CHST9: variants seen among roughly 807,000 people sequenced by gnomAD.
CHST9 encodes the protein GalNAc-4-sulfotransferase 2.
In CHST9, 41 loss-of-function variants were observed where a neutral mutation model predicts 44.4. The observed-to-expected ratio is 0.92, with a 90% CI of 0.72 to 1.20. The LOEUF is 1.20. CHST9 is among the 50% of genes most tolerant of loss of function. The pLI, the probability that CHST9 is intolerant of heterozygous loss-of-function variation, is 0.00. For synonymous variants in CHST9, 171 were observed against 178.4 expected (o/e 0.96, Z 0.33); for missense variants, 504 against 516.5 (o/e 0.98, Z 0.23).
intron 2 of CHST9, among the ~76,000 whole-genome samples, chr18:27,093,486 G>A (rs548467288): frequency 1.1e-4 from 17 of 152,300 alleles, no homozygotes; most frequent in Non-Finnish European, 2.1e-4. Flanking sequence ...CTGCCGTCTC[G>A]CAGATCGATC....
intron 2 of CHST9, among the ~76,000 whole-genome samples, chr18:27,113,670 T>C (rs1257195994): frequency 6.6e-6 from 1 of 152,076 alleles, no homozygotes; most frequent in Non-Finnish European, 1.5e-5. Flanking sequence ...AGAAAACAGC[T>C]CCTCACCCAG....
chr18:26,916,332 G>A lies in CHST9; in HGVS notation c.1259C>T (p.Thr420Ile). ...VRQYLKDLTR[T>I]ERQLIYDFYY... ...AAAGTCATAGATTAATTGTCTCTCA[G>A]TTCTAGTCAGATCCTTTAAATACTG... Residue 420 changes from threonine (T) to isoleucine (I), a missense_variant, in exon 6 of 6, where the codon ACT (threonine) becomes ATT (isoleucine). Coordinates refer to ENST00000618847, the MANE Select transcript of CHST9 (RefSeq NM_031422.6). 1.2e-6 allele frequency: 2 copies of A among 1,611,666 alleles called. No homozygotes were observed. The highest frequency in any genetic ancestry group is 1.7e-6 in the Non-Finnish European group (2 of 1,177,874).
chr18:27,168,939 T>C (rs376564077), intron 1 of CHST9, among the ~76,000 whole-genome samples: 1 of 152,270 alleles, frequency 6.6e-6, no homozygotes, highest in East Asian at 1.9e-4. Flanking sequence ...TTAGAAATGA[T>C]CTCCTGCTGG....
intron 5 of CHST9, chr18:26,930,889 C>T (rs1268707573): frequency 7.6e-6 from 1 of 131,498 alleles, no homozygotes; most frequent in South Asian, 2.6e-4. Context: ...TCTGTTACTT[C>T]CTGTAGGCAT....
intron 5 of CHST9, among the ~76,000 whole-genome samples, chr18:26,936,935 A>G (rs2056003664): frequency 6.6e-6 from 1 of 152,116 alleles, no homozygotes; most frequent in African/African-American, 2.4e-5. Flanking sequence ...AGTATTCCAT[A>G]TTTTCTCACA....
At chr18:27,030,053 G>C (rs1157330321) in intron 3 of CHST9, among the ~76,000 whole-genome samples, 3 of 152,194 alleles carry the variant, frequency 2.0e-5, no homozygotes, top group African/African-American at 4.8e-5. Context: ...AATGATTTCA[G>C]TTTATGTTAA....
intron 5 of CHST9, among the ~76,000 whole-genome samples, chr18:26,939,563 G>T (rs1486746104): frequency 1.3e-5 from 2 of 152,186 alleles, no homozygotes; most frequent in Non-Finnish European, 2.9e-5. Flanking sequence ...CATGAATGGA[G>T]GTCCACATAC....
At chr18:27,027,968 C>T (rs1308727413) in intron 3 of CHST9, among the ~76,000 whole-genome samples, 4 of 152,162 alleles carry the variant, frequency 2.6e-5, no homozygotes, top group African/African-American at 7.2e-5. Flanking sequence ...GGCGCGATCT[C>T]GGCTCACTGC....
intron 2 of CHST9, among the ~76,000 whole-genome samples, chr18:27,062,147 GTTGT>G (rs1398463235): frequency 1.3e-5 from 2 of 151,938 alleles, no homozygotes; most frequent in Admixed American, 1.3e-4. Flanking sequence ...AACTTATACT[GTTGT>G]TTGGTCAATT....
intron 5 of CHST9, among the ~76,000 whole-genome samples, chr18:26,930,507 T>G (rs1297772447): frequency 6.6e-6 from 1 of 152,242 alleles, no homozygotes; most frequent in East Asian, 1.9e-4. Context: ...ATCTTTATTT[T>G]TTAGAATATT....
chr18:27,112,971 T>C (rs573477857), intron 2 of CHST9, among the ~76,000 whole-genome samples: 20 of 151,974 alleles, frequency 1.3e-4, no homozygotes, highest in South Asian at 6.2e-4. Flanking sequence ...CGGTGGATCA[T>C]GAGGTCAAGA....
intron 2 of CHST9, among the ~76,000 whole-genome samples, chr18:27,109,610 A>C (rs144529691): frequency 1.3e-4 from 20 of 152,296 alleles, no homozygotes; most frequent in South Asian, 6.2e-4. Flanking sequence ...TTCAAGGGAG[A>C]GCAGGGCCAT....
rs982041698 is a variant in CHST9, at chr18:27,174,482, T to C, written c.-97+10654A>G. Reference sequence around the variant, plus strand: ...CTACTTCTAGTGATGTCAAGTCTGATCATTTGATTAGCTGGTATCTGTCAG... The same window carrying C: ...CTACTTCTAGTGATGTCAAGTCTGACCATTTGATTAGCTGGTATCTGTCAG... On this transcript the variant is annotated intron_variant, in intron 1 of 5. Transcript: ENST00000618847. Among the ~76,000 whole-genome samples, 5 of 152,124 alleles carry C rather than the reference T, an allele frequency of 3.3e-5. No individual in the cohort carries two copies. In the East Asian group the frequency reaches 9.7e-4, roughly 29 times the overall value.
chr18:26,966,714 T>TC (rs2056469784), intron 4 of CHST9, among the ~76,000 whole-genome samples: 2 of 152,156 alleles, frequency 1.3e-5, no homozygotes, highest in African/African-American at 4.8e-5. Context: ...GCTTCCTAGC[T>TC]CCCCTGGCAG....
intron 2 of CHST9, among the ~76,000 whole-genome samples, chr18:27,060,607 G>A (rs1318095535): frequency 6.6e-6 from 1 of 152,184 alleles, no homozygotes; most frequent in African/African-American, 2.4e-5. Context: ...GGGAAGGGCA[G>A]TAACTTTCTA....
chr18:27,112,134 CAT>C (rs1445985590), intron 2 of CHST9, among the ~76,000 whole-genome samples: 1 of 148,122 alleles, frequency 6.8e-6, no homozygotes, highest in African/African-American at 2.5e-5. Flanking sequence ...ATTAATAAAA[CAT>C]ATAACTATAT....
At chr18:26,983,048 T>C (rs1251502602) in intron 4 of CHST9, among the ~76,000 whole-genome samples, 1 of 152,136 alleles carries the variant, frequency 6.6e-6, no homozygotes, top group East Asian at 1.9e-4. Flanking sequence ...GACCTCTGTG[T>C]AAATATTAGC....
At chr18:27,047,799 G>A (rs1191273804) in intron 3 of CHST9, among the ~76,000 whole-genome samples, 3 of 152,042 alleles carry the variant, frequency 2.0e-5, no homozygotes, top group Non-Finnish European at 2.9e-5. Context: ...GCAATTTCTG[G>A]GCACTGTGAG....
At chr18:27,108,195 T>G (rs953499841) in intron 2 of CHST9, among the ~76,000 whole-genome samples, 1 of 152,174 alleles carries the variant, frequency 6.6e-6, no homozygotes, top group Non-Finnish European at 1.5e-5. Context: ...ATGGTTCACC[T>G]GCCTGTGTAG....
Sources: allele counts gnomAD v4.1 joint callset (sites outside exome capture counted in the v4.1 genomes callset), GRCh38; gene constraint gnomAD v4.1.1; transcripts MANE v1.5; gene names NCBI Gene and HGNC (gene_info 2026-07-23, HGNC 2026-07-21).